PCDHA13: variants seen among roughly 807,000 people sequenced by gnomAD.
The protein encoded by PCDHA13 is protocadherin alpha 13, also known as protocadherin alpha-13.
PCDHA13 carries 54 observed loss-of-function variants against 64.8 expected under a neutral mutation model. The ratio of observed to expected loss-of-function variants is 0.83; its 90% confidence interval spans 0.67 to 1.04. The LOEUF is 1.04. Ranked by LOEUF, PCDHA13 falls within the 50% of genes least tolerant of loss-of-function variation. The probability of loss-of-function intolerance (pLI) is 0.00; values close to 1 mark genes in which losing one functional copy is unlikely to be tolerated. For missense variants in PCDHA13, 1,248 were observed against 1,254.3 expected (o/e 0.99, Z 0.08); for synonymous variants, 587 against 564.4 (o/e 1.04, Z -0.57).
At chr5:140,933,651 C>G (rs2089301034) in intron 1 of PCDHA13, among the ~76,000 whole-genome samples, 1 of 151,824 alleles carries the variant, frequency 6.6e-6, no homozygotes, top group South Asian at 2.1e-4. Flanking sequence ...GTTGGAAATC[C>G]TGTCTCTCTC....
At chr5:140,937,228 G>A (rs920892612) in intron 1 of PCDHA13, among the ~76,000 whole-genome samples, 1 of 151,718 alleles carries the variant, frequency 6.6e-6, no homozygotes, top group Admixed American at 6.6e-5. Context: ...TTGTAGAGAC[G>A]GGGTTTCACC....
chr5:140,886,927 G>T (rs1191029252), intron 1 of PCDHA13, among the ~76,000 whole-genome samples: 1 of 151,236 alleles, frequency 6.6e-6, no homozygotes, highest in Non-Finnish European at 1.5e-5. Flanking sequence ...TTCTCTATGT[G>T]CCAGGCATGT....
At chr5:140,979,168 G>T in intron 2 of PCDHA13, 161 bp downstream of exon 2, 6 of 966,502 alleles carry the variant, frequency 6.2e-6, no homozygotes, top group Non-Finnish European at 7.4e-6. Context: ...TTCCTTGAAA[G>T]ATCGCAAATG....
intron 1 of PCDHA13, chr5:140,968,379 A>C: frequency 6.2e-7 from 1 of 1,614,034 alleles, no homozygotes; most frequent in Non-Finnish European, 8.5e-7. Context: ...AACTCCTTTG[A>C]CTATGAGAAG....
intron 1 of PCDHA13, among the ~76,000 whole-genome samples, chr5:140,905,788 G>T (rs1217429620): frequency 2.6e-5 from 4 of 152,046 alleles, no homozygotes; most frequent in Non-Finnish European, 4.4e-5. Flanking sequence ...ATTAGTCAGG[G>T]TTCTCTAGAG....
intron 1 of PCDHA13, among the ~76,000 whole-genome samples, chr5:140,909,960 C>T (rs1419796014): frequency 6.6e-6 from 1 of 152,184 alleles, no homozygotes; most frequent in Non-Finnish European, 1.5e-5. Context: ...CGTAGGTCTC[C>T]ATGGGGAAGG....
At chr5:140,974,910 C>T (rs1054560750) in intron 1 of PCDHA13, among the ~76,000 whole-genome samples, 1 of 152,114 alleles carries the variant, frequency 6.6e-6, no homozygotes, top group Admixed American at 6.5e-5. Flanking sequence ...AACAAATTAC[C>T]ACAAGTAAGT....
intron 3 of PCDHA13, among the ~76,000 whole-genome samples, chr5:140,998,221 C>G (rs1478098925): frequency 1.3e-5 from 2 of 152,160 alleles, no homozygotes; most frequent in Non-Finnish European, 2.9e-5. Flanking sequence ...TAACCACACC[C>G]AGAAATTTGT....
intron 1 of PCDHA13, among the ~76,000 whole-genome samples, chr5:140,900,569 A>G (rs1166977648): frequency 2.6e-5 from 4 of 152,182 alleles, no homozygotes; most frequent in African/African-American, 9.7e-5. Context: ...GAGCCACGGC[A>G]CCGGCCCATT....
chr5:140,978,842 T>A, intron 1 of PCDHA13, 107 bp from the exon 2 acceptor site: 1 of 1,564,670 alleles, frequency 6.4e-7, no homozygotes, highest in East Asian at 2.3e-5. Flanking sequence ...TTCAATACTT[T>A]TTTAGATGCC....
At chr5:140,914,481 G>A (rs549926889) in intron 1 of PCDHA13, among the ~76,000 whole-genome samples, 3 of 152,120 alleles carry the variant, frequency 2.0e-5, no homozygotes, top group Non-Finnish European at 4.4e-5. Context: ...TAGGTGAAGT[G>A]TTTCTTGTGG....
At chr5:140,966,172 G>A in intron 1 of PCDHA13, 1 of 184,672 alleles carries the variant, frequency 5.4e-6, no homozygotes, top group East Asian at 1.4e-4. Context: ...TTTTCCTGGG[G>A]AGCTGATAGC....
chr5:141,006,794 A>G (rs1416356472), intron 3 of PCDHA13, among the ~76,000 whole-genome samples: 1 of 152,160 alleles, frequency 6.6e-6, no homozygotes, highest in African/African-American at 2.4e-5. Context: ...ATTAGCTTTG[A>G]ACTTTCTGGC....
chr5:140,962,269 T>A (rs1554225906), intron 1 of PCDHA13, among the ~76,000 whole-genome samples: 1 of 152,194 alleles, frequency 6.6e-6, no homozygotes, highest in Non-Finnish European at 1.5e-5. Flanking sequence ...TTTTATAATT[T>A]AAAAAACCTC....
At chr5:140,954,356 CCA>C (rs1251664193) in intron 1 of PCDHA13, among the ~76,000 whole-genome samples, 1 of 152,152 alleles carries the variant, frequency 6.6e-6, no homozygotes, top group Non-Finnish European at 1.5e-5. Flanking sequence ...TGAGGAATCG[CCA>C]CACAGTCTCC....
intron 3 of PCDHA13, among the ~76,000 whole-genome samples, chr5:140,990,902 C>G (rs2097421729): frequency 6.6e-6 from 1 of 152,112 alleles, no homozygotes; most frequent in African/African-American, 2.4e-5. Flanking sequence ...GTTGCTGGGT[C>G]AAGTTTTATA....
At chr5:140,911,934 A>G (rs2075691303) in intron 1 of PCDHA13, among the ~76,000 whole-genome samples, 1 of 152,158 alleles carries the variant, frequency 6.6e-6, no homozygotes, top group East Asian at 1.9e-4. Flanking sequence ...AATAGGATAG[A>G]TGTATATATA....
chr5:141,000,393 CTCTATATA>C (rs1486021873), intron 3 of PCDHA13, among the ~76,000 whole-genome samples: 100 of 52,828 alleles, frequency 1.9e-3, no homozygotes, highest in Middle Eastern at 0.012. Context: ...CTCTCTCTCT[CTCTATATA>C]TATATATATA....
chr5:140,928,125 C>T, intron 1 of PCDHA13: 2 of 1,614,154 alleles, frequency 1.2e-6, no homozygotes, highest in Non-Finnish European at 1.7e-6. Context: ...TCAGTGAATA[C>T]CAAGTCCTGA....
Sources: allele counts gnomAD v4.1 joint callset (sites outside exome capture counted in the v4.1 genomes callset), GRCh38; gene constraint gnomAD v4.1.1; transcripts MANE v1.5; gene names NCBI Gene and HGNC (gene_info 2026-07-23, HGNC 2026-07-21).